ZFYVE28: variants seen among roughly 807,000 people sequenced by gnomAD.
The protein encoded by ZFYVE28 is zinc finger FYVE-type containing 28.
Under a neutral mutation model 82.1 loss-of-function variants are expected in ZFYVE28, and 40 were observed. That is an observed-to-expected ratio of 0.49 (90% CI 0.38 to 0.63). The LOEUF is 0.63. Ranked by LOEUF, ZFYVE28 falls within the 30% of genes least tolerant of loss-of-function variation. The pLI is 0.00. For synonymous variants in ZFYVE28, 612 were observed against 546.1 expected, an observed-to-expected ratio of 1.12 and a Z score of -1.68; for missense variants, 1,321 against 1,242.1, an observed-to-expected ratio of 1.06 and a Z score of -0.96.
intron 1 of ZFYVE28, among the ~76,000 whole-genome samples, chr4:2,376,120 G>A (rs1013472015): frequency 1.3e-5 from 2 of 151,770 alleles, no homozygotes; most frequent in African/African-American, 2.4e-5. Flanking sequence ...TGATCCGCCC[G>A]CCTCGGCCTC....
At chr4:2,369,857 T>TTC (rs1727330074) in intron 1 of ZFYVE28, among the ~76,000 whole-genome samples, 1 of 45,358 alleles carries the variant, frequency 2.2e-5, no homozygotes, top group Non-Finnish European at 5.1e-5. Flanking sequence ...TTTCTTTTTT[T>TTC]TTTTTTTTTT....
chr4:2,330,862 T>C (rs1720570703), intron 6 of ZFYVE28: 1 of 1,522,932 alleles, frequency 6.6e-7, no homozygotes, highest in Non-Finnish European at 8.8e-7. Flanking sequence ...GAGAGAGGAC[T>C]GGTGTGGGCA....
In ZFYVE28 at chr4:2,408,809, C is replaced by A. The variant is rs1732204295; in HGVS notation, c.39+9476G>T. Among the ~76,000 whole-genome samples the A allele has an allele frequency of 6.6e-6, 1 of 152,082 alleles. No homozygotes were observed. Among genetic ancestry groups the A allele is most frequent in the East Asian group, 1.9e-4 (1 of 5,200 alleles). ...AGCCCCACCTAGATGAAGCCACGCCCAGGTGAGCCCCGCCCCACGGGCTGA... is the reference window on the plus strand; with the variant it reads ...AGCCCCACCTAGATGAAGCCACGCCAAGGTGAGCCCCGCCCCACGGGCTGA... On this transcript the variant is annotated intron_variant, in intron 1 of 12. Coordinates refer to ENST00000290974, the MANE Select transcript of ZFYVE28 (RefSeq NM_020972.3). This position sits in a 1 kb window ranked among gnomAD's most constrained non-coding sequence, Gnocchi z 4.3.
chr4:2,303,549 AG>A (rs1715951101), intron 8 of ZFYVE28, among the ~76,000 whole-genome samples: 1 of 152,132 alleles, frequency 6.6e-6, no homozygotes, highest in Non-Finnish European at 1.5e-5. Context: ...GGTCCTGGCC[AG>A]GGGGTCAATG....
At chr4:2,308,683 G>GAAAGAAAGAGAAAGA (rs1553830773) in intron 7 of ZFYVE28, among the ~76,000 whole-genome samples, 15 of 81,512 alleles carry the variant, frequency 1.8e-4, no homozygotes, top group African/African-American at 6.9e-4. Flanking sequence ...GAAAGAGAAA[G>GAAAGAAAGAGAAAGA]AAAGAAAAGA....
intron 1 of ZFYVE28, among the ~76,000 whole-genome samples, chr4:2,378,434 T>C (rs1728392360): frequency 6.6e-6 from 1 of 152,260 alleles, no homozygotes; most frequent in South Asian, 2.1e-4. Context: ...TTCTTTATCC[T>C]ACTTGGAACT....
chr4:2,280,375 G>A (rs1711797859), intron 8 of ZFYVE28, among the ~76,000 whole-genome samples: 1 of 152,044 alleles, frequency 6.6e-6, no homozygotes, highest in African/African-American at 2.4e-5. Flanking sequence ...AGGCATGATG[G>A]TGTGCACCTG....
chr4:2,359,818 A>G (rs997298853), intron 1 of ZFYVE28, among the ~76,000 whole-genome samples: 1 of 152,144 alleles, frequency 6.6e-6, no homozygotes, highest in East Asian at 1.9e-4. Flanking sequence ...GAGCCCTGAC[A>G]TCCACTTAGC....
In ZFYVE28 at chr4:2,418,596, G is replaced by C. The variant is rs1733394009; in HGVS notation, c.-273C>G. ...GGCGCACGGACAGACGCGGGCACGGGGGCGCGCGGCTCCTCGCTGCTCACT... is the reference window on the plus strand; with the variant it reads ...GGCGCACGGACAGACGCGGGCACGGCGGCGCGCGGCTCCTCGCTGCTCACT... On this transcript the variant is annotated 5_prime_UTR_variant, in exon 1 of 13. Transcript: ENST00000290974. The surrounding 1 kb of genome is among the most constrained non-coding windows in gnomAD (Gnocchi z 4.6). The C allele has an allele frequency of 6.5e-6, 1 of 153,872 alleles. No homozygotes were observed. The highest frequency in any genetic ancestry group is 6.6e-5 in the Admixed American group (1 of 15,188). The allele number at this position is 153,872 out of a possible 1,614,324, so 9.5% of individuals were successfully genotyped here.
chr4:2,300,526 C>G lies in ZFYVE28; in HGVS notation c.2051+3763G>C, dbSNP rs964678575. ...TCCCAGGTGACAGCACCTGAGGAAACGCTCCAGAGAGGGGCTCCTCCTGGC... is the reference window on the plus strand; with the variant it reads ...TCCCAGGTGACAGCACCTGAGGAAAGGCTCCAGAGAGGGGCTCCTCCTGGC... On this transcript the variant is annotated intron_variant, in intron 8 of 12. Coordinates refer to ENST00000290974, the MANE Select transcript of ZFYVE28 (RefSeq NM_020972.3). This position sits in a 1 kb window ranked among gnomAD's most constrained non-coding sequence, Gnocchi z 4.6. Among the ~76,000 whole-genome samples the G allele has an allele frequency of 6.6e-6, 1 of 152,146 alleles. No individual in the cohort carries two copies. Among genetic ancestry groups the G allele is most frequent in the South Asian group, 2.1e-4 (1 of 4,826 alleles).
intron 6 of ZFYVE28, among the ~76,000 whole-genome samples, chr4:2,333,565 C>T (rs890113623): frequency 8.5e-5 from 13 of 152,080 alleles, no homozygotes; most frequent in African/African-American, 1.4e-4. Context: ...GGGTCACCTG[C>T]ACACTCCAGG....
At chr4:2,357,375 G>C (rs560427627) in intron 1 of ZFYVE28, among the ~76,000 whole-genome samples, 51 of 152,290 alleles carry the variant, frequency 3.3e-4, no homozygotes, top group Admixed American at 2.4e-3. Context: ...CCTACCAGAG[G>C]GCAGAGGAGC....
intron 1 of ZFYVE28, among the ~76,000 whole-genome samples, chr4:2,405,271 C>T (rs1478006283): frequency 6.6e-6 from 1 of 152,180 alleles, no homozygotes; most frequent in Non-Finnish European, 1.5e-5. Flanking sequence ...ATGGGGTGCA[C>T]CGCCACCTGC....
intron 1 of ZFYVE28, among the ~76,000 whole-genome samples, chr4:2,368,220 A>AACAAAC (rs1553856558): frequency 0.095 from 14,099 of 149,188 alleles, 1,104 homozygotes; most frequent in East Asian, 0.12. Flanking sequence ...ACAAAAAAAA[A>AACAAAC]AAAAAAAAAA....
intron 6 of ZFYVE28, chr4:2,325,232 A>C (rs1490430832): frequency 1.3e-5 from 2 of 152,220 alleles, no homozygotes; most frequent in African/African-American, 4.8e-5. Flanking sequence ...AATCTATACT[A>C]ACTTGGTGGG....
At chr4:2,278,219 CTT>C (rs58136968) in intron 8 of ZFYVE28, among the ~76,000 whole-genome samples, 11,638 of 136,442 alleles carry the variant, frequency 0.085, 625 homozygotes, top group African/African-American at 0.2. Flanking sequence ...AAGATTCTCT[CTT>C]TTTTTTTTTT....
chr4:2,294,962 TA>T (rs11392933), intron 8 of ZFYVE28, among the ~76,000 whole-genome samples: 26 of 149,484 alleles, frequency 1.7e-4, no homozygotes, highest in East Asian at 4.0e-4. Flanking sequence ...AAAAATTACT[TA>T]AAAAAAAAAA....
intron 1 of ZFYVE28, among the ~76,000 whole-genome samples, chr4:2,385,954 C>A (rs1034773240): frequency 6.6e-6 from 1 of 152,208 alleles, no homozygotes; most frequent in Non-Finnish European, 1.5e-5. Context: ...AAGCACTGCA[C>A]CGGGCTCGCT....
intron 7 of ZFYVE28, among the ~76,000 whole-genome samples, chr4:2,316,933 C>T (rs763925877): frequency 1.3e-5 from 2 of 151,640 alleles, no homozygotes; most frequent in Non-Finnish European, 2.9e-5. Flanking sequence ...ACCTTGTGGT[C>T]CACCCACCTT....
Sources: allele counts gnomAD v4.1 joint callset (sites outside exome capture counted in the v4.1 genomes callset), GRCh38; gene constraint gnomAD v4.1.1; non-coding constraint Gnocchi (gnomAD v3.1); transcripts MANE v1.5; gene names NCBI Gene and HGNC (gene_info 2026-07-23, HGNC 2026-07-21).